The following UPF3A variants were observed in gnomAD, a reference collection of about 807,000 sequenced individuals.
UPF3A encodes UPF3A regulator of nonsense mediated mRNA decay.
A neutral mutation model predicts 53.5 loss-of-function variants in UPF3A; 42 were observed. The ratio of observed to expected loss-of-function variants is 0.78; its 90% CI spans 0.61 to 1.01. The LOEUF is 1.01. Among genes scored for constraint, UPF3A ranks in the 50% least tolerant of loss-of-function variants. UPF3A has a pLI of 0.00. For missense variants in UPF3A, 575 were observed against 598.0 expected (o/e 0.96, Z 0.40); for synonymous variants, 237 against 225.3 (o/e 1.05, Z -0.47).
At chr13:114,302,432 G>A (rs1321262395) in intron 9 of UPF3A, among the ~76,000 whole-genome samples, 3 of 152,110 alleles carry the variant, frequency 2.0e-5, no homozygotes, top group South Asian at 4.1e-4. Flanking sequence ...CTGCACGGAC[G>A]GTGAGCACAG....
chr13:114,282,750 T>G, intron 2 of UPF3A, 87 bp from the exon 3 acceptor site: 2 of 1,537,540 alleles, frequency 1.3e-6, no homozygotes, highest in South Asian at 2.4e-5. Flanking sequence ...TAAAGTAGTT[T>G]GTTGTGCCCA....
intron 3 of UPF3A, chr13:114,283,774 C>T (rs1033995596): frequency 1.0e-6 from 1 of 985,436 alleles, no homozygotes; most frequent in Non-Finnish European, 1.2e-6. Flanking sequence ...TTTTCCTTCT[C>T]TTCTCCTGTC....
At chr13:114,297,136 C>T (rs1189523537) in intron 7 of UPF3A, among the ~76,000 whole-genome samples, 2 of 152,022 alleles carry the variant, frequency 1.3e-5, no homozygotes, top group African/African-American at 4.8e-5. Context: ...TATGGTCTTG[C>T]TATGCTGCAA....
Position 114,291,873 on chromosome 13 carries a change from G to A in UPF3A, c.846+81G>A, listed in dbSNP as rs530507849. On this transcript the variant is annotated intron_variant, in intron 7 of 9. Coordinates refer to ENST00000375299, the MANE Select transcript of UPF3A (RefSeq NM_023011.4). ...ACTTTTTACATATCTTAGTTCTTTAGAATTTTGAAAACATTCTGAATTAAT... is the reference window on the plus strand; with the variant it reads ...ACTTTTTACATATCTTAGTTCTTTAAAATTTTGAAAACATTCTGAATTAAT... 5.5e-6 allele frequency: 8 copies of A among 1,448,972 alleles called. No individual in the cohort carries two copies. The South Asian group carries it at 8.4e-5, about 15-fold the overall frequency. 89.8% of individuals were successfully genotyped at this position (1,448,972 alleles called of 1,614,324 possible). A position where few individuals can be genotyped will look rare whatever the true frequency, so the allele number is the denominator to read the frequency against.
chr13:114,284,821 G>A (rs780251770), intron 3 of UPF3A, among the ~76,000 whole-genome samples: 4 of 152,286 alleles, frequency 2.6e-5, no homozygotes, highest in African/African-American at 9.6e-5. Context: ...CTTTGTTGTC[G>A]TTGTTTTGTT....
In UPF3A at chr13:114,291,562, C is replaced by T. The variant is rs748688644; in HGVS notation, c.687+18C>T. On this transcript the variant is annotated intron_variant, in intron 6 of 9. Coordinates refer to ENST00000375299, the MANE Select transcript of UPF3A (RefSeq NM_023011.4). ...AAAAGCAGGTAGGTCTGGCCTTTAC[C>T]TGATGAACACCCTCCCTGCTTCTGC... 1.2e-6 allele frequency: 2 copies of T among 1,607,022 alleles called. No individual in the cohort carries two copies. The highest frequency in any genetic ancestry group is 1.7e-6 in the Non-Finnish European group (2 of 1,178,258).
chr13:114,294,713 T>C (rs2085668409), intron 7 of UPF3A, among the ~76,000 whole-genome samples: 1 of 151,426 alleles, frequency 6.6e-6, no homozygotes, highest in South Asian at 2.1e-4. Flanking sequence ...TAGTCCCAGC[T>C]ACTCAGGAGG....
At chr13:114,302,074 C>T in intron 9 of UPF3A, 49 bp downstream of exon 9, 1 of 1,461,444 alleles carries the variant, frequency 6.8e-7, no homozygotes, top group Non-Finnish European at 9.1e-7. Flanking sequence ...TCTTAAGGTC[C>T]AGGCTGCATG....
chr13:114,289,860 C>G (rs185616152), intron 5 of UPF3A, among the ~76,000 whole-genome samples: 1 of 152,124 alleles, frequency 6.6e-6, no homozygotes, highest in Non-Finnish European at 1.5e-5. Context: ...GTACTTTGCC[C>G]GTGATCCCTG....
intron 7 of UPF3A, among the ~76,000 whole-genome samples, chr13:114,294,935 A>C (rs539569920): frequency 6.7e-6 from 1 of 150,026 alleles, no homozygotes; most frequent in Non-Finnish European, 1.5e-5. Flanking sequence ...ACACGGTGAA[A>C]CCCTATCTCT....
At chr13:114,300,518 G>A (rs1344332762) in intron 8 of UPF3A, among the ~76,000 whole-genome samples, 2 of 151,004 alleles carry the variant, frequency 1.3e-5, no homozygotes, top group South Asian at 2.1e-4. Context: ...ACAGGCACCC[G>A]CCACCATGCC....
rs558711436 is a variant in UPF3A, at chr13:114,293,812, A to G, written c.846+2020A>G. 5.3e-5 allele frequency among the ~76,000 whole-genome samples: 8 copies of G among 152,338 alleles called. No individual in the cohort carries two copies. In the East Asian group the frequency reaches 1.4e-3, roughly 26 times the overall value. The stretch of plus-strand genomic sequence containing the variant: ...ATTGAACCATAGATTTGTTTCTGAT[A>G]TGGTCAGCAGTCAAAAACAGAAAAG... On this transcript the variant is annotated intron_variant, in intron 7 of 9. Coordinates refer to ENST00000375299, the MANE Select transcript of UPF3A (RefSeq NM_023011.4).
intron 2 of UPF3A, chr13:114,282,604 C>G (rs2084218764): frequency 1.0e-6 from 1 of 985,478 alleles, no homozygotes; most frequent in East Asian, 1.1e-4. Context: ...GGGTTTCAGC[C>G]TCGGAGGACC....
At chr13:114,302,050 A>G (rs1463477391) in intron 9 of UPF3A, 25 bp downstream of exon 9, 1 of 1,501,028 alleles carries the variant, frequency 6.7e-7, no homozygotes, top group East Asian at 2.3e-5. Flanking sequence ...CAAAAAGAAA[A>G]ATGTGTCTGG....
chr13:114,294,827 A>G (rs969144862), intron 7 of UPF3A, among the ~76,000 whole-genome samples: 6 of 148,040 alleles, frequency 4.1e-5, no homozygotes, highest in South Asian at 2.1e-4. Flanking sequence ...TCCGTCTCAA[A>G]AAGGCTGGAC....
rs1341563354 is a variant in UPF3A at position 114,282,135 on chromosome 13, C to T, written c.314+8C>T. On this transcript the variant is annotated splice_region_variant and intron_variant, in intron 2 of 9. Transcript: ENST00000375299. ...CTTCGCCGCCGACCTGAGGTGAGGC[C>T]CGCCCCGAGGGGAGGAAGAGAGGGC... The T allele has an allele frequency of 6.5e-7, 1 of 1,547,206 alleles. No individual in the cohort carries two copies. Among genetic ancestry groups the T allele is most frequent in the East Asian group, 2.4e-5 (1 of 41,140 alleles).
intron 5 of UPF3A, among the ~76,000 whole-genome samples, chr13:114,288,932 C>T (rs950794742): frequency 6.6e-6 from 1 of 152,174 alleles, no homozygotes; most frequent in South Asian, 2.1e-4. Context: ...CTCCCTGCCC[C>T]TCCCATTTCC....
chr13:114,293,032 A>G (rs1255452737), intron 7 of UPF3A, among the ~76,000 whole-genome samples: 1 of 137,708 alleles, frequency 7.3e-6, no homozygotes, highest in Non-Finnish European at 1.5e-5. Flanking sequence ...AGATCGCGCC[A>G]TTGCACTCCA....
Position 114,304,825 on chromosome 13 carries a change from C to T in UPF3A, c.1339C>T (p.Arg447Cys), listed in dbSNP as rs776576957. 9.3e-6 allele frequency: 15 copies of T among 1,613,696 alleles called. No homozygotes were observed. The Admixed American group carries it at 1.7e-4, about 18-fold the overall frequency. ...CTTGCAGCTGTATGATCCAGGAGCT[C>T]GCTTCCGAGCGCGAGAGTGTGGCGG... is the stretch of plus-strand genomic sequence containing the variant. ...PALQLYDPGA[R>C]FRARECGGNR... is the part of the protein sequence containing the mutation. Residue 447 changes from arginine to cysteine, a missense_variant, in exon 10 of 10, where the codon CGC becomes TGC. Around this residue, in one of 2 missense-constraint regions of UPF3A, gnomAD observed 323 missense variants for 415.2 expected, o/e 0.78. Coordinates refer to ENST00000375299, the MANE Select transcript of UPF3A (RefSeq NM_023011.4).
Sources: gnomAD v4.1 joint callset for allele counts (sites outside exome capture counted in the v4.1 genomes callset) on GRCh38, gnomAD v4.1.1 for gene constraint, gnomAD v4.1.1 regional missense constraint, MANE v1.5 for transcripts, NCBI Gene and HGNC (gene_info 2026-07-23, HGNC 2026-07-21) for gene names.